The following RPGRIP1 variants were observed in gnomAD, a reference collection of about 807,000 sequenced individuals.
RPGRIP1 encodes the protein RPGR interacting protein 1, also known as X-linked retinitis pigmentosa GTPase regulator-interacting protein 1.
RPGRIP1 carries 128 observed loss-of-function variants against 157.9 expected under a neutral mutation model. The observed-to-expected ratio is 0.81, with a 90% CI of 0.70 to 0.94. The LOEUF is 0.94. Ranked by LOEUF, RPGRIP1 falls within the 40% of genes least tolerant of loss-of-function variation. The pLI is 0.00. For synonymous variants in RPGRIP1, 554 were observed against 571.6 expected (o/e 0.97, Z 0.44); for missense variants, 1,486 against 1,545.8 (o/e 0.96, Z 0.65).
At chr14:21,302,732 C>T (rs1881087052) in intron 5 of RPGRIP1, 148 bp downstream of exon 5, 3 of 452,106 alleles carry the variant, frequency 6.6e-6, no homozygotes. Flanking sequence ...ATTCCAACTT[C>T]ATTGCTTAAA....
chr14:21,286,850 C>T (rs1594368632), intron 1 of RPGRIP1, among the ~76,000 whole-genome samples: 1 of 151,872 alleles, frequency 6.6e-6, no homozygotes, highest in Admixed American at 6.6e-5. Context: ...AAAGCATATA[C>T]ATACATAGTA....
Position 21,325,025 on chromosome 14 carries a change from G to A in RPGRIP1, c.2170G>A (p.Val724Met), listed in dbSNP as rs1351213806. ...TGCAGGATGGATTTGCTTTGACAGGGTGCTAGAGACTGTGGAGAAAGTCCA... is the reference window on the plus strand; with the variant it reads ...TGCAGGATGGATTTGCTTTGACAGGATGCTAGAGACTGTGGAGAAAGTCCA... ...LAAGWICFDRVLETVEKVHGL... is the reference protein window; with the variant it reads ...LAAGWICFDRMLETVEKVHGL... Residue 724 changes from valine to methionine, a missense_variant, in exon 15 of 25, where the codon GTG becomes ATG. By Grantham distance (21) the Val-to-Met change is conservative. Transcript: ENST00000400017. 2.5e-6 allele frequency: 4 copies of A among 1,613,740 alleles called. No individual in the cohort carries two copies. The highest frequency in any genetic ancestry group is 1.7e-4 in the Middle Eastern group (1 of 6,060).
At position 21,351,290 on chromosome 14, in the gene RPGRIP1, C is replaced by T; in HGVS notation, c.*74C>T. 1.2e-6 allele frequency: 1 copy of T among 869,282 alleles called. No individual in the cohort carries two copies. The allele number at this position is 869,282 out of a possible 1,614,324, so 53.8% of individuals were successfully genotyped here. On this transcript the variant is annotated 3_prime_UTR_variant, in exon 25 of 25. Transcript: ENST00000400017. ...AAAAGTCTCTTATAAAGTTAGCTTG[C>T]TATAACATGAATTTGGTTTACTGTG...
intron 2 of RPGRIP1, among the ~76,000 whole-genome samples, chr14:21,294,196 G>A (rs1247727303): frequency 1.3e-5 from 2 of 151,482 alleles, no homozygotes; most frequent in African/African-American, 4.8e-5. Flanking sequence ...ATATAGAAAG[G>A]GTCTCCAGGG....
rs373823219 is a variant in RPGRIP1, at chr14:21,284,752, A to C, written c.-38-3187A>C. On this transcript the variant is annotated intron_variant, in intron 1 of 24. Coordinates refer to ENST00000400017, the MANE Select transcript of RPGRIP1 (RefSeq NM_020366.4). ...TGTTTAGTAGAGACAGGGTTTCACC[A>C]TGTTGGCCAAGCTGGTCTTGAACTC... Among the ~76,000 whole-genome samples, 8 of 152,106 alleles carry C rather than the reference A, an allele frequency of 5.3e-5. No individual in the cohort carries two copies. In the South Asian group the frequency reaches 1.2e-3, roughly 24 times the overall value.
chr14:21,345,662 C>T (rs1472691519), intron 23 of RPGRIP1, among the ~76,000 whole-genome samples: 1 of 152,190 alleles, frequency 6.6e-6, no homozygotes, highest in African/African-American at 2.4e-5. Flanking sequence ...TCCTCGGCCT[C>T]CCAGAGTGCT....
At chr14:21,281,151 G>A (rs1880110318) in intron 1 of RPGRIP1, among the ~76,000 whole-genome samples, 1 of 151,734 alleles carries the variant, frequency 6.6e-6, no homozygotes, top group Admixed American at 6.6e-5. Flanking sequence ...CCGAGTAGCT[G>A]GGACTACAGG....
chr14:21,350,013 G>A (rs868461343), intron 24 of RPGRIP1, among the ~76,000 whole-genome samples: 18 of 152,210 alleles, frequency 1.2e-4, no homozygotes, highest in South Asian at 8.3e-4. Flanking sequence ...CCCCATTAGT[G>A]GATGTGAAAC....
In RPGRIP1 at chr14:21,305,686, C is replaced by T. The variant is rs111723392; in HGVS notation, c.801-2045C>T. On this transcript the variant is annotated intron_variant, in intron 6 of 24. Transcript: ENST00000400017. ...AAACAGCCTGGCCAACATGGTGAAT[C>T]CCCATCTTTACTGAAAATACCAAAA... Among the ~76,000 whole-genome samples the T allele has an allele frequency of 5.6e-4, 85 of 152,206 alleles. 1 individual carries two copies. Among genetic ancestry groups the T allele is most frequent in the African/African-American group, 1.8e-3 (76 of 41,534 alleles).
At chr14:21,294,293 C>T (rs989421334) in intron 2 of RPGRIP1, among the ~76,000 whole-genome samples, 42 of 151,286 alleles carry the variant, frequency 2.8e-4, no homozygotes, top group African/African-American at 9.2e-4. Context: ...TACAGTGGCA[C>T]GATCTCGGCT....
At position 21,294,769 on chromosome 14, in the gene RPGRIP1, G is replaced by A; in HGVS notation, c.178G>A (p.Val60Met). The change falls in exon 3 of 25, where the codon GTG becomes ATG. Residue 60 changes from valine to methionine, a missense_variant. Coordinates refer to ENST00000400017, the MANE Select transcript of RPGRIP1 (RefSeq NM_020366.4). ...TCGACTTCGCGAAGATCACATGTTGGTGAAGGAGCTTTCTTGGAAGCAACA... is the reference window on the plus strand; with the variant it reads ...TCGACTTCGCGAAGATCACATGTTGATGAAGGAGCTTTCTTGGAAGCAACA... ...FFRLREDHML[V>M]KELSWKQQDE... 1 of 1,608,896 alleles carries A rather than the reference G, an allele frequency of 6.2e-7. No homozygotes were observed. Among genetic ancestry groups the A allele is most frequent in the Non-Finnish European group, 8.5e-7 (1 of 1,177,410 alleles).
At chr14:21,318,331 T>C (rs1046080845) in intron 11 of RPGRIP1, 9 of 322,194 alleles carry the variant, frequency 2.8e-5, no homozygotes, top group Non-Finnish European at 4.8e-5. Context: ...AGGCTGGTCG[T>C]GAACTCCTGA....
Position 21,330,150 on chromosome 14 carries a change from A to G in RPGRIP1, c.3100-99A>G, listed in dbSNP as rs1594229713. 6 of 758,478 alleles carry G rather than the reference A, an allele frequency of 7.9e-6. No individual in the cohort carries two copies. The East Asian group carries it at 1.6e-4, about 20-fold the overall frequency. 47.0% of individuals were successfully genotyped at this position (758,478 alleles called of 1,614,324 possible). A position where few individuals can be genotyped will look rare whatever the true frequency, so the allele number is the denominator to read the frequency against. ...TAATAATAATAAAAATTAAAAAAAT[A>G]AAAAGAGCTAATATTTAAAAAGAAG... On this transcript the variant is annotated intron_variant, in intron 19 of 24. Transcript: ENST00000400017.
In RPGRIP1 at chr14:21,322,021, T is replaced by G. The variant is rs770154579; in HGVS notation, c.1762+17T>G. 13 of 1,605,758 alleles carry G rather than the reference T, an allele frequency of 8.1e-6. No individual in the cohort carries two copies. The highest frequency in any genetic ancestry group is 1.1e-5 in the Non-Finnish European group (13 of 1,176,556). On this transcript the variant is annotated intron_variant, in intron 14 of 24. Coordinates refer to ENST00000400017, the MANE Select transcript of RPGRIP1 (RefSeq NM_020366.4). ...CAACATCTGGCAAGTCTTAGTCCTT[T>G]GTTCTCCTCACTTCGGGACCCTTCC...
At chr14:21,349,626 T>G (rs1885970042) in intron 24 of RPGRIP1, among the ~76,000 whole-genome samples, 1 of 151,420 alleles carries the variant, frequency 6.6e-6, no homozygotes, top group African/African-American at 2.4e-5. Flanking sequence ...GGTCTCGAAC[T>G]CCCAACCTCA....
intron 3 of RPGRIP1, among the ~76,000 whole-genome samples, chr14:21,300,016 C>G (rs559988339): frequency 5.1e-4 from 77 of 152,340 alleles, no homozygotes; most frequent in Non-Finnish European, 8.7e-4. Context: ...CCTCCAAAGG[C>G]CGGGCGCGGT....
intron 23 of RPGRIP1, among the ~76,000 whole-genome samples, 190 bp downstream of exon 23, chr14:21,345,387 GTTAT>G (rs139819474): frequency 1.9e-4 from 29 of 150,852 alleles, no homozygotes; most frequent in South Asian, 1.0e-3. Context: ...AATCTTATAG[GTTAT>G]TTATTTATTT....
intron 22 of RPGRIP1, among the ~76,000 whole-genome samples, chr14:21,344,117 G>A (rs1028233698): frequency 6.6e-6 from 1 of 151,434 alleles, no homozygotes. Context: ...CTACACTCAT[G>A]TCCCTTTCCT....
intron 9 of RPGRIP1, 33 bp downstream of exon 9, chr14:21,312,003 A>C: frequency 3.2e-6 from 5 of 1,580,304 alleles, no homozygotes; most frequent in Non-Finnish European, 4.3e-6. Context: ...TACCATCTAC[A>C]TTTCAACTTC....
Sources: gnomAD v4.1 joint callset for allele counts (sites outside exome capture counted in the v4.1 genomes callset) on GRCh38, gnomAD v4.1.1 for gene constraint, MANE v1.5 for transcripts, NCBI Gene and HGNC (gene_info 2026-07-23, HGNC 2026-07-21) for gene names.